XKR9: variants seen among roughly 807,000 people sequenced by gnomAD.
XKR9 encodes the protein XK-related protein 9.
In XKR9, 32 loss-of-function variants were observed where a neutral mutation model predicts 32.0. The observed-to-expected ratio is 1.00, with a 90% confidence interval of 0.76 to 1.34. The LOEUF is 1.34. XKR9 is among the 40% of genes most tolerant of loss of function. The pLI is 0.00. For synonymous variants in XKR9, 168 were observed against 143.4 expected (o/e 1.17, Z -1.22); for missense variants, 546 against 429.7 (o/e 1.27, Z -2.39).
At chr8:70,878,767 G>A in the XKR9 span, among the ~76,000 whole-genome samples, 1 of 151,802 alleles carries the variant, frequency 6.6e-6, no homozygotes, top group Non-Finnish European at 1.5e-5. Context: ...GTTAACAAGG[G>A]TACCCAGGAA....
At chr8:71,025,635 C>T in the XKR9 span, among the ~76,000 whole-genome samples, 4 of 152,202 alleles carry the variant, frequency 2.6e-5, no homozygotes, top group African/African-American at 9.7e-5. Context: ...CCAAGGCTCC[C>T]TGATGGAGAA....
chr8:70,895,325 C>T, the XKR9 span, among the ~76,000 whole-genome samples: 2 of 152,160 alleles, frequency 1.3e-5, 1 homozygote, highest in South Asian at 4.1e-4. Context: ...AGCACTCTCC[C>T]TCAGTTATTT....
the XKR9 span, among the ~76,000 whole-genome samples, chr8:70,935,124 C>A: frequency 1.5e-5 from 2 of 130,436 alleles, no homozygotes; most frequent in South Asian, 2.3e-4. Context: ...TATATATACA[C>A]ACACACACAT....
At chr8:71,030,041 A>G in the XKR9 span, among the ~76,000 whole-genome samples, 3 of 152,164 alleles carry the variant, frequency 2.0e-5, no homozygotes, top group Non-Finnish European at 4.4e-5. Context: ...ATAAATCTTC[A>G]TGAATAGGAC....
chr8:70,719,126 T>C (rs1806189921), intron 4 of XKR9, among the ~76,000 whole-genome samples: 1 of 152,210 alleles, frequency 6.6e-6, no homozygotes, highest in Non-Finnish European at 1.5e-5. Context: ...GAGAAGTGTC[T>C]GTTCATATCC....
At chr8:70,988,058 T>C in the XKR9 span, among the ~76,000 whole-genome samples, 4 of 152,074 alleles carry the variant, frequency 2.6e-5, no homozygotes, top group African/African-American at 7.2e-5. Context: ...TGCGCACAGC[T>C]TGAGGACCCT....
the XKR9 span, among the ~76,000 whole-genome samples, chr8:70,847,662 T>TA: frequency 2.6e-5 from 4 of 151,364 alleles, no homozygotes; most frequent in Admixed American, 1.3e-4. Flanking sequence ...ACCACAGAAA[T>TA]AAAAAAGATC....
At chr8:70,710,512 C>G (rs1805876406) in intron 4 of XKR9, among the ~76,000 whole-genome samples, 1 of 151,986 alleles carries the variant, frequency 6.6e-6, no homozygotes, top group South Asian at 2.1e-4. Flanking sequence ...ATCAGCCTGG[C>G]CAACATGGTG....
At chr8:70,877,682 T>A in the XKR9 span, among the ~76,000 whole-genome samples, 1 of 152,204 alleles carries the variant, frequency 6.6e-6, no homozygotes, top group South Asian at 2.1e-4. Flanking sequence ...AAATCTACAT[T>A]TGATTGGTGT....
At chr8:70,986,854 A>G in the XKR9 span, among the ~76,000 whole-genome samples, 1 of 152,226 alleles carries the variant, frequency 6.6e-6, no homozygotes, top group Non-Finnish European at 1.5e-5. Flanking sequence ...GCAATTTACA[A>G]AAGAAAGAGG....
At chr8:70,763,790 G>C (rs1807338151) in intron 2 of XKR9, among the ~76,000 whole-genome samples, 1 of 152,204 alleles carries the variant, frequency 6.6e-6, no homozygotes. Context: ...TACTGGTGGA[G>C]GGGAACTTAT....
intron 4 of XKR9, among the ~76,000 whole-genome samples, chr8:70,720,501 A>G (rs1004538910): frequency 2.2e-4 from 34 of 152,174 alleles, no homozygotes; most frequent in Non-Finnish European, 1.0e-4. Flanking sequence ...GAGTGTTTTT[A>G]GCATGAAGGG....
At chr8:70,758,531 C>A (rs1807262316) in intron 2 of XKR9, among the ~76,000 whole-genome samples, 1 of 152,108 alleles carries the variant, frequency 6.6e-6, no homozygotes, top group Admixed American at 6.5e-5. Flanking sequence ...AGTTTAGGCA[C>A]CCATTTAATA....
At chr8:70,854,533 C>A in the XKR9 span, among the ~76,000 whole-genome samples, 1 of 152,100 alleles carries the variant, frequency 6.6e-6, no homozygotes, top group African/African-American at 2.4e-5. Context: ...TTAATTAGAT[C>A]CCATTTGTCA....
the XKR9 span, among the ~76,000 whole-genome samples, chr8:70,890,908 A>G: frequency 0.32 from 48,061 of 151,732 alleles, 8,926 homozygotes; most frequent in Non-Finnish European, 0.43. Flanking sequence ...ATTCTGCAGC[A>G]GATCAATTAG....
chr8:70,888,357 C>A, the XKR9 span, among the ~76,000 whole-genome samples: 1 of 151,342 alleles, frequency 6.6e-6, no homozygotes, highest in Non-Finnish European at 1.5e-5. Flanking sequence ...GATATGAATT[C>A]CTTGTCAGAT....
chr8:70,708,331 CTACCT>C (rs1478029420), intron 4 of XKR9, among the ~76,000 whole-genome samples: 4 of 152,042 alleles, frequency 2.6e-5, no homozygotes, highest in Non-Finnish European at 4.4e-5. Flanking sequence ...AGCATCTGGA[CTACCT>C]ATGAGATCCA....
intron 4 of XKR9, among the ~76,000 whole-genome samples, chr8:70,722,285 A>G: frequency 6.6e-6 from 1 of 152,120 alleles, no homozygotes; most frequent in East Asian, 1.9e-4. Context: ...TGGAGCATTT[A>G]GCCCATTTAC....
chr8:70,741,017 G>A (rs567100629), intron 2 of XKR9, among the ~76,000 whole-genome samples: 1 of 152,238 alleles, frequency 6.6e-6, no homozygotes, highest in Non-Finnish European at 1.5e-5. Flanking sequence ...CAGGGACATT[G>A]AAGTCTGCAG....
Sources: gnomAD v4.1 joint callset for allele counts (sites outside exome capture counted in the v4.1 genomes callset) on GRCh38, gnomAD v4.1.1 for gene constraint, MANE v1.5 for transcripts, NCBI Gene and HGNC (gene_info 2026-07-23, HGNC 2026-07-21) for gene names.